The following ALDH4A1 variants were observed in gnomAD, a reference collection of about 807,000 sequenced individuals.
The protein encoded by ALDH4A1 is delta-1-pyrroline-5-carboxylate dehydrogenase, mitochondrial.
A neutral mutation model predicts 70.5 loss-of-function variants in ALDH4A1; 46 were observed. The ratio of observed to expected loss-of-function variants is 0.65; its 90% CI spans 0.51 to 0.83. ALDH4A1 has a LOEUF of 0.83. ALDH4A1 is among the 40% of genes least tolerant of loss of function. The pLI, the probability that ALDH4A1 is intolerant of heterozygous loss-of-function variation, is 0.00. For missense variants in ALDH4A1, 749 were observed against 766.5 expected, an observed-to-expected ratio of 0.98 and a Z score of 0.27; for synonymous variants, 323 against 324.3, an observed-to-expected ratio of 1.00 and a Z score of 0.04.
intron 8 of ALDH4A1, 58 bp downstream of exon 8, chr1:18,881,642 A>C: frequency 6.9e-7 from 1 of 1,456,280 alleles, no homozygotes; most frequent in Non-Finnish European, 9.1e-7. Context: ...GGCAGACAGC[A>C]GGTGAGCAGG....
At chr1:18,881,982 G>T in intron 7 of ALDH4A1, 95 bp from the exon 8 acceptor site, 1 of 1,225,834 alleles carries the variant, frequency 8.2e-7, no homozygotes. Context: ...TCCCTCACCT[G>T]GAACCACCAG....
intron 1 of ALDH4A1, among the ~76,000 whole-genome samples, chr1:18,900,061 C>T (rs997890218): frequency 7.2e-5 from 11 of 152,138 alleles, no homozygotes; most frequent in African/African-American, 1.7e-4. Flanking sequence ...AAAATGTTAA[C>T]AGTGGGTACC....
intron 4 of ALDH4A1, 91 bp from the exon 5 acceptor site, chr1:18,885,719 C>G (rs892493225): frequency 2.6e-5 from 40 of 1,555,364 alleles, no homozygotes; most frequent in Non-Finnish European, 3.5e-5. Flanking sequence ...GGAGGCCACT[C>G]TCTTCCATCC....
chr1:18,885,577 C>A lies in ALDH4A1; in HGVS notation c.349G>T (p.Asp117Tyr). ...GCCCGGTCTGCAATAGGCTTCAGGTCCCACTCTTTCCGGGCAGCCAGGGCA... is the reference window on the plus strand; with the variant it reads ...GCCCGGTCTGCAATAGGCTTCAGGTACCACTCTTTCCGGGCAGCCAGGGCA... The part of the protein sequence containing the change: ...EAALAARKEW[D>Y]LKPIADRAQI... Residue 117 changes from aspartate (D) to tyrosine (Y), a missense_variant, in exon 5 of 15, where the codon GAC becomes TAC. Asp to Tyr is a radical substitution (Grantham distance 160). Coordinates refer to ENST00000375341, the MANE Select transcript of ALDH4A1 (RefSeq NM_003748.4). 6.2e-7 allele frequency: 1 copy of A among 1,613,746 alleles called. No individual in the cohort carries two copies.
intron 11 of ALDH4A1, 78 bp from the exon 12 acceptor site, chr1:18,876,545 C>T (rs771804735): frequency 6.3e-5 from 92 of 1,467,742 alleles, no homozygotes; most frequent in Non-Finnish European, 7.8e-5. Flanking sequence ...ACACTCACCC[C>T]GAAACACCTG....
chr1:18,897,018 C>T, intron 1 of ALDH4A1: 1 of 526,992 alleles, frequency 1.9e-6, no homozygotes, highest in Non-Finnish European at 3.9e-6. Flanking sequence ...CTAAGTGAGA[C>T]AGGATCATCT....
At chr1:18,881,999 T>A in intron 7 of ALDH4A1, 112 bp from the exon 8 acceptor site, 1 of 1,114,192 alleles carries the variant, frequency 9.0e-7, no homozygotes, top group Non-Finnish European at 1.3e-6. Context: ...CCAGACTCTG[T>A]GCCAACCAGG....
At chr1:18,886,002 G>A (rs1317276916) in intron 4 of ALDH4A1, among the ~76,000 whole-genome samples, 2 of 152,160 alleles carry the variant, frequency 1.3e-5, no homozygotes, top group African/African-American at 2.4e-5. Flanking sequence ...CCTGAGACAC[G>A]GCTCTGCTGC....
chr1:18,875,536 C>T (rs775597892), intron 12 of ALDH4A1, 33 bp from the exon 13 acceptor site: 56 of 1,613,640 alleles, frequency 3.5e-5, no homozygotes, highest in Non-Finnish European at 4.1e-5. Flanking sequence ...AGACCCTCCA[C>T]GGGACCAGGG....
At chr1:18,890,130 A>T in intron 1 of ALDH4A1, 25 bp from the exon 2 acceptor site, 1 of 1,586,648 alleles carries the variant, frequency 6.3e-7, no homozygotes, top group Non-Finnish European at 8.6e-7. Context: ...CAGGGGACAG[A>T]GGCAGAGAGG....
At chr1:18,883,629 C>T (rs947702570) in intron 5 of ALDH4A1, among the ~76,000 whole-genome samples, 2 of 152,228 alleles carry the variant, frequency 1.3e-5, no homozygotes, top group African/African-American at 2.4e-5. Flanking sequence ...CTCCTGTAGC[C>T]GGCCCTCTGG....
chr1:18,883,289 C>G lies in ALDH4A1; in HGVS notation c.593G>C (p.Arg198Pro). Reference protein sequence around the residue: ...VPPSTNSTVYRGLEGFVAAIS... With the variant: ...VPPSTNSTVYPGLEGFVAAIS... ...GCCTCCTGCAGGTACCTCCAGACCC[C>G]GGTACACCGTGCTGTTGGTGCTCGG... is the stretch of plus-strand genomic sequence containing the variant. The change falls in exon 6 of 15, where the codon CGG becomes CCG. Residue 198 changes from arginine (R) to proline (P), a missense_variant. Coordinates refer to ENST00000375341, the MANE Select transcript of ALDH4A1 (RefSeq NM_003748.4). 6 of 1,613,264 alleles carry G rather than the reference C, an allele frequency of 3.7e-6. No homozygotes were observed. Among genetic ancestry groups the G allele is most frequent in the Non-Finnish European group, 5.1e-6 (6 of 1,180,036 alleles).
chr1:18,897,759 C>T (rs145367360), intron 1 of ALDH4A1, among the ~76,000 whole-genome samples: 1 of 152,176 alleles, frequency 6.6e-6, no homozygotes, highest in South Asian at 2.1e-4. Flanking sequence ...ATCTCAGAGG[C>T]CCATGGTCAG....
At position 18,875,334 on chromosome 1, in the gene ALDH4A1, G is replaced by A. The variant is rs1934627709; in HGVS notation, c.1460+48C>T. On this transcript the variant is annotated intron_variant, in intron 13 of 14. Coordinates refer to ENST00000375341, the MANE Select transcript of ALDH4A1 (RefSeq NM_003748.4). ...TCCAGGAGGTGGGGATGGGGACACG[G>A]ACAGGACACCCGGAGCACAGCACCA... is the stretch of plus-strand genomic sequence containing the variant. The A allele has an allele frequency of 3.1e-6, 5 of 1,613,394 alleles. No individual in the cohort carries two copies. In the East Asian group the frequency reaches 8.9e-5, roughly 29 times the overall value.
At chr1:18,894,852 TC>T (rs1311580221) in intron 1 of ALDH4A1, among the ~76,000 whole-genome samples, 1 of 147,770 alleles carries the variant, frequency 6.8e-6, no homozygotes, top group East Asian at 2.0e-4. Flanking sequence ...CTTTCTTTTT[TC>T]TTTCTTTCTT....
intron 5 of ALDH4A1, 37 bp downstream of exon 5, chr1:18,885,436 A>ACCCCCACCCCCCCCCCCCCCCC: frequency 2.6e-6 from 1 of 386,872 alleles, no homozygotes. Flanking sequence ...CTCCCACCCC[A>ACCCCCACCCCCCCCCCCCCCCC]CCCCGCCCCA....
chr1:18,874,767 C>T (rs1934599753), intron 13 of ALDH4A1, among the ~76,000 whole-genome samples, 186 bp from the exon 14 acceptor site: 1 of 152,242 alleles, frequency 6.6e-6, no homozygotes, highest in African/African-American at 2.4e-5. Context: ...TCTCTGAGCC[C>T]AGCTTCCTCC....
intron 1 of ALDH4A1, among the ~76,000 whole-genome samples, chr1:18,892,839 C>T (rs990411615): frequency 5.9e-5 from 9 of 152,072 alleles, no homozygotes; most frequent in African/African-American, 1.4e-4. Context: ...GATTTGATAA[C>T]GATAAATACA....
chr1:18,901,094 A>G (rs1462123229), intron 1 of ALDH4A1, among the ~76,000 whole-genome samples: 3 of 152,158 alleles, frequency 2.0e-5, no homozygotes, highest in African/African-American at 7.2e-5. Context: ...AGCTCACAGT[A>G]GGCACTCAGT....
Sources: gnomAD v4.1 joint callset for allele counts (sites outside exome capture counted in the v4.1 genomes callset) on GRCh38, gnomAD v4.1.1 for gene constraint, MANE v1.5 for transcripts, NCBI Gene and HGNC (gene_info 2026-07-23, HGNC 2026-07-21) for gene names.